ITGA3: variants seen among roughly 807,000 people sequenced by gnomAD.
The protein encoded by ITGA3 is integrin subunit alpha 3.
ITGA3 carries 70 observed loss-of-function variants against 131.1 expected under a neutral mutation model. The ratio of observed to expected loss-of-function variants is 0.53; its 90% CI spans 0.44 to 0.65. The LOEUF is 0.65. Among genes scored for constraint, ITGA3 ranks in the 30% least tolerant of loss-of-function variants. The pLI is 0.00. For missense variants in ITGA3, 1,098 were observed against 1,388.6 expected (o/e 0.79, Z 3.33); for synonymous variants, 537 against 571.6 (o/e 0.94, Z 0.86).
At position 50,076,342 on chromosome 17, in the gene ITGA3, A is replaced by G; in HGVS notation, c.1691A>G (p.Lys564Arg). The G allele has an allele frequency of 6.2e-7, 1 of 1,613,582 alleles. No individual in the cohort carries two copies. The highest frequency in any genetic ancestry group is 8.5e-7 in the Non-Finnish European group (1 of 1,179,900). The change falls in exon 13 of 26, where the codon AAA becomes AGA. Residue 564 changes from lysine (K) to arginine (R), a missense_variant. Around this residue, in one of 3 missense-constraint regions of ITGA3, gnomAD observed 699 missense variants for 829.2 expected, o/e 0.84. Transcript: ENST00000320031. ...TCTCCCCAGGACAACCTCCGTGACA[A>G]ACTCCGCCCCATCATCATCTCCATG... is the stretch of plus-strand genomic sequence containing the variant. ...ELLLMDNLRD[K>R]LRPIIISMNY...
intron 12 of ITGA3, 140 bp downstream of exon 12, chr17:50,075,875 T>A: frequency 1.2e-6 from 1 of 849,020 alleles, no homozygotes; most frequent in Non-Finnish European, 1.9e-6. Flanking sequence ...GCTATTGGTG[T>A]GTAGGAGTAC....
At chr17:50,086,137 G>T (rs79092736) in intron 23 of ITGA3, among the ~76,000 whole-genome samples, 3 of 4 alleles carry the variant, frequency 0.75, 1 homozygote, top group African/African-American at 0.75. Context: ...TATTATACAT[G>T]TATAATATAT....
At chr17:50,081,867 C>T (rs774398542) in intron 23 of ITGA3, among the ~76,000 whole-genome samples, 4 of 152,038 alleles carry the variant, frequency 2.6e-5, no homozygotes, top group Admixed American at 6.5e-5. Context: ...CTTCCCGCCA[C>T]GGGCAATATG....
intron 23 of ITGA3, among the ~76,000 whole-genome samples, chr17:50,082,799 G>A (rs947420258): frequency 3.3e-5 from 5 of 152,142 alleles, no homozygotes; most frequent in African/African-American, 1.2e-4. Context: ...CAAATATGCA[G>A]CAAAAACTTG....
chr17:50,075,517 C>G lies in ITGA3; in HGVS notation c.1528C>G (p.Arg510Gly). Residue 510 changes from arginine (R) to glycine (G), a missense_variant, in exon 11 of 26, where the codon CGA becomes GGA. By Grantham distance (125) the Arg-to-Gly change is moderately radical. Coordinates refer to ENST00000320031, the MANE Select transcript of ITGA3 (RefSeq NM_002204.4). ...NQSAGNPNYR[R>G]NITLAYTLEA... ...GAGTGCCGGGAACCCCAACTACAGG[C>G]GAAACATCAGTGAGTGCTGGGGTGC... 1.2e-6 allele frequency: 2 copies of G among 1,614,230 alleles called. No homozygotes were observed. Among genetic ancestry groups the G allele is most frequent in the East Asian group, 4.5e-5 (2 of 44,884 alleles).
At chr17:50,076,913 G>C in intron 14 of ITGA3, 61 bp from the exon 15 acceptor site, 1 of 1,557,088 alleles carries the variant, frequency 6.4e-7, no homozygotes, top group Non-Finnish European at 8.7e-7. Context: ...GCGGGGCCTA[G>C]TTGATCCGGG....
At chr17:50,059,352 A>G (rs558591620) in intron 1 of ITGA3, among the ~76,000 whole-genome samples, 2 of 152,272 alleles carry the variant, frequency 1.3e-5, no homozygotes, top group Admixed American at 1.3e-4. Context: ...CTGTGGGCCT[A>G]TGGGGATACT....
In ITGA3 at chr17:50,075,634, C is replaced by G. The variant is rs370814972; in HGVS notation, c.1573C>G (p.Arg525Gly). 6.2e-7 allele frequency: 1 copy of G among 1,614,230 alleles called. No individual in the cohort carries two copies. Among genetic ancestry groups the G allele is most frequent in the South Asian group, 1.1e-5 (1 of 91,084 alleles). Residue 525 changes from arginine to glycine, a missense_variant, in exon 12 of 26, where the codon CGG becomes GGG. Arg to Gly is a moderately radical substitution (Grantham distance 125). Coordinates refer to ENST00000320031, the MANE Select transcript of ITGA3 (RefSeq NM_002204.4). ...CACTCTGGAGGCTGACAGGGACCGCCGGCCGCCCCGGCTCCGCTTTGCCGG... is the reference window on the plus strand; with the variant it reads ...CACTCTGGAGGCTGACAGGGACCGCGGGCCGCCCCGGCTCCGCTTTGCCGG... ...AYTLEADRDR[R>G]PPRLRFAGSE... is the part of the protein sequence containing the mutation.
In ITGA3 at chr17:50,064,061, C is replaced by T; in HGVS notation, c.207-16C>T. ...GGGGAGTCTGAACCCGGACCCACCT[C>T]CGTCCCTATCCCCAGGCTCCTGGCT... On this transcript the variant is annotated splice_polypyrimidine_tract_variant and intron_variant, in intron 1 of 25. Transcript: ENST00000320031. This position sits in a 1 kb window ranked among gnomAD's most constrained non-coding sequence, Gnocchi z 4.4. 1 of 1,611,970 alleles carries T rather than the reference C, an allele frequency of 6.2e-7. No individual in the cohort carries two copies. The highest frequency in any genetic ancestry group is 8.5e-7 in the Non-Finnish European group (1 of 1,179,394).
chr17:50,082,997 C>T (rs1049004488), intron 23 of ITGA3, among the ~76,000 whole-genome samples: 1 of 151,992 alleles, frequency 6.6e-6, no homozygotes, highest in African/African-American at 2.4e-5. Context: ...AGTGAAGATA[C>T]GTGGGAGATA....
chr17:50,082,214 C>T (rs1470464629), intron 23 of ITGA3, among the ~76,000 whole-genome samples: 1 of 151,930 alleles, frequency 6.6e-6, no homozygotes, highest in East Asian at 1.9e-4. Context: ...TGAGATGGAG[C>T]CTCACTCTGT....
At chr17:50,075,766 C>T (rs771751268) in intron 12 of ITGA3, 31 bp downstream of exon 12, 6 of 1,611,266 alleles carry the variant, frequency 3.7e-6, no homozygotes, top group Non-Finnish European at 4.2e-6. Flanking sequence ...AGGATGAGGG[C>T]TCCCAGGTCC....
In ITGA3 at chr17:50,068,381, G is replaced by A. The variant is rs1299430095; in HGVS notation, c.664+76G>A. Reference sequence around the variant, plus strand: ...CCCCTAGTTAGCCACGGGGACAGCTGGCCTAGACCATCCACACTAGAAACA... The same window carrying A: ...CCCCTAGTTAGCCACGGGGACAGCTAGCCTAGACCATCCACACTAGAAACA... On this transcript the variant is annotated intron_variant, in intron 4 of 25. Transcript: ENST00000320031. 32 of 1,526,520 alleles carry A rather than the reference G, an allele frequency of 2.1e-5. No homozygotes were observed. The Middle Eastern group carries it at 1.0e-3, about 49-fold the overall frequency. 94.6% of individuals were successfully genotyped at this position (1,526,520 alleles called of 1,614,324 possible).
At chr17:50,065,605 C>T (rs1908299197) in intron 3 of ITGA3, 1 of 152,306 alleles carries the variant, frequency 6.6e-6, no homozygotes, top group Non-Finnish European at 1.5e-5. Flanking sequence ...GGAAGCCTCA[C>T]AATCACGGTG....
intron 3 of ITGA3, among the ~76,000 whole-genome samples, chr17:50,066,599 A>T (rs914085505): frequency 6.6e-6 from 1 of 151,968 alleles, no homozygotes; most frequent in Non-Finnish European, 1.5e-5. Context: ...ACACGGCAAA[A>T]TTCCATCTCT....
intron 1 of ITGA3, among the ~76,000 whole-genome samples, chr17:50,057,342 T>C (rs1907878393): frequency 6.6e-6 from 1 of 152,230 alleles, no homozygotes; most frequent in Admixed American, 6.5e-5. Context: ...TCGTGTTGGA[T>C]CTTCAACCCT....
rs1908858146 is a variant in ITGA3 at position 50,075,703 on chromosome 17, A to G, written c.1642A>G (p.Met548Val). The change falls in exon 12 of 26, where the codon ATG (methionine) becomes GTG (valine). Residue 548 changes from methionine (M) to valine (V), a missense_variant. Physicochemically the swap from Met to Val is conservative, Grantham distance 21. This residue lies in a region of ITGA3 where 699 missense variants were observed against 829.2 expected (regional missense o/e 0.84). Coordinates refer to ENST00000320031, the MANE Select transcript of ITGA3 (RefSeq NM_002204.4). The stretch of plus-strand genomic sequence containing the variant: ...CCACGGCTTCTTCTCCATGCCCGAG[A>G]TGCGCTGCCAGAAGCTGGAGCTGCT... ...VFHGFFSMPE[M>V]RCQKLELLLM... 1.2e-6 allele frequency: 2 copies of G among 1,614,000 alleles called. No homozygotes were observed. The highest frequency in any genetic ancestry group is 1.7e-6 in the Non-Finnish European group (2 of 1,180,006).
At chr17:50,068,689 A>T (rs1908452453) in intron 4 of ITGA3, among the ~76,000 whole-genome samples, 3 of 151,964 alleles carry the variant, frequency 2.0e-5, no homozygotes, top group Admixed American at 2.0e-4. Flanking sequence ...TTTTGTAGAG[A>T]TGGAGTTTCA....
At chr17:50,079,054 A>G (rs748436720) in intron 19 of ITGA3, 22 bp from the exon 20 acceptor site, 2 of 1,608,904 alleles carry the variant, frequency 1.2e-6, no homozygotes, top group Non-Finnish European at 1.7e-6. Flanking sequence ...GATAATGACT[A>G]TGACACATCT....
Sources: allele counts gnomAD v4.1 joint callset (sites outside exome capture counted in the v4.1 genomes callset), GRCh38; gene constraint gnomAD v4.1.1; regional missense constraint gnomAD v4.1.1; non-coding constraint Gnocchi (gnomAD v3.1); transcripts MANE v1.5; gene names NCBI Gene and HGNC (gene_info 2026-07-23, HGNC 2026-07-21).